SEPTIN9: variants seen among roughly 807,000 people sequenced by gnomAD.
SEPTIN9 encodes the protein septin-9.
Under a neutral mutation model 56.6 loss-of-function variants are expected in SEPTIN9, and 13 were observed. The ratio of observed to expected loss-of-function variants is 0.23; its 90% CI spans 0.15 to 0.37. The LOEUF (loss-of-function observed/expected upper bound fraction) is 0.37, where lower values mean the gene tolerates loss of function less well. SEPTIN9 is among the 10% of genes least tolerant of loss of function. SEPTIN9 has a pLI of 1.00. For missense variants in SEPTIN9, 650 were observed against 823.1 expected, an observed-to-expected ratio of 0.79 and a Z score of 2.57; for synonymous variants, 332 against 334.1, an observed-to-expected ratio of 0.99 and a Z score of 0.07.
rs150871716 is a variant in SEPTIN9, at chr17:77,285,752, G to A, written c.19+4198G>A. Among the ~76,000 whole-genome samples, 415 of 152,318 alleles carry A rather than the reference G, an allele frequency of 2.7e-3. 1 individual carries two copies. The highest frequency in any genetic ancestry group is 8.7e-3 in the African/African-American group (360 of 41,572). On this transcript the variant is annotated intron_variant, in intron 1 of 11. Coordinates refer to ENST00000427177, the MANE Select transcript of SEPTIN9 (RefSeq NM_001113491.2). ...AGATTCCTGAAGGGGCACCAGCCAC[G>A]ATTAAAAAGCTCTATGCTGTCGTGA...
chr17:77,457,033 C>T (rs1215411765), intron 3 of SEPTIN9, among the ~76,000 whole-genome samples: 1 of 152,246 alleles, frequency 6.6e-6, no homozygotes, highest in Non-Finnish European at 1.5e-5. Flanking sequence ...GGGACTCAGA[C>T]TCCTCTACTT....
intron 10 of SEPTIN9, among the ~76,000 whole-genome samples, chr17:77,493,662 G>A (rs542364719): frequency 2.3e-4 from 35 of 151,900 alleles, no homozygotes; most frequent in African/African-American, 7.0e-4. Flanking sequence ...TTCTGGTGGC[G>A]CCTGGCATTC....
intron 2 of SEPTIN9, among the ~76,000 whole-genome samples, chr17:77,384,182 C>T (rs1049219093): frequency 6.6e-6 from 1 of 152,188 alleles, no homozygotes; most frequent in Non-Finnish European, 1.5e-5. Flanking sequence ...TGCTCCCTCT[C>T]CTGCCTGTGT....
chr17:77,411,625 C>T (rs1355086416), intron 3 of SEPTIN9, among the ~76,000 whole-genome samples: 2 of 151,506 alleles, frequency 1.3e-5, no homozygotes, highest in African/African-American at 4.8e-5. Flanking sequence ...TGCTCTTGAA[C>T]TCCTGACCTT....
chr17:77,400,141 T>TA lies in SEPTIN9; in HGVS notation c.77-1916dup, dbSNP rs1237911938. 6.6e-6 allele frequency among the ~76,000 whole-genome samples: 1 copy of TA among 152,176 alleles called. No homozygotes were observed. Among genetic ancestry groups the TA allele is most frequent in the African/African-American group, 2.4e-5 (1 of 41,444 alleles). Reference sequence around the variant, plus strand: ...ATAGGCGAGTGTCACCATGCCCAGCTAATTTTTTATTTTTAGTAAAGATGG... The same window carrying TA: ...ATAGGCGAGTGTCACCATGCCCAGCTAAATTTTTTATTTTTAGTAAAGATGG... On this transcript the variant is annotated intron_variant, in intron 2 of 11. Transcript: ENST00000427177. The surrounding 1 kb of genome is among the most constrained non-coding windows in gnomAD (Gnocchi z 4.1).
At chr17:77,325,108 C>G (rs545755616) in intron 2 of SEPTIN9, among the ~76,000 whole-genome samples, 1 of 151,842 alleles carries the variant, frequency 6.6e-6, no homozygotes, top group Non-Finnish European at 1.5e-5. Context: ...CGTGAGTCAC[C>G]GCACCCAGGC....
chr17:77,498,676 C>CCCCGGAA lies in SEPTIN9; in HGVS notation c.*20_*21insCGGAACC. The CCCCGGAA allele has an allele frequency of 1.3e-6, 2 of 1,525,766 alleles. No individual in the cohort carries two copies. The highest frequency in any genetic ancestry group is 1.2e-5 in the South Asian group (1 of 86,070). 94.5% of individuals were successfully genotyped at this position (1,525,766 alleles called of 1,614,324 possible). A position where few individuals can be genotyped will look rare whatever the true frequency, so the allele number is the denominator to read the frequency against. On this transcript the variant is annotated 3_prime_UTR_variant, in exon 12 of 12. Coordinates refer to ENST00000427177, the MANE Select transcript of SEPTIN9 (RefSeq NM_001113491.2). ...AGATGTAGACGCCACCCTGCCCACC[C>CCCCGGAA]CCGGGATCCTGCCCCCAAGTCATTT...
intron 3 of SEPTIN9, among the ~76,000 whole-genome samples, chr17:77,455,813 T>C (rs2038175425): frequency 6.6e-6 from 1 of 152,212 alleles, no homozygotes; most frequent in African/African-American, 2.4e-5. Flanking sequence ...ATTTTCAACT[T>C]TTATCCAAAT....
intron 2 of SEPTIN9, among the ~76,000 whole-genome samples, chr17:77,361,186 A>T (rs2034406375): frequency 6.6e-6 from 1 of 152,104 alleles, no homozygotes; most frequent in South Asian, 2.1e-4. Context: ...GGCCTCCCAA[A>T]GTGCTGGGAT....
chr17:77,441,522 G>A (rs2037546604), intron 3 of SEPTIN9, among the ~76,000 whole-genome samples: 1 of 152,220 alleles, frequency 6.6e-6, no homozygotes, highest in Non-Finnish European at 1.5e-5. Flanking sequence ...AGGGAGGGCA[G>A]GAAGTTTGAG....
rs949020564 is a variant in SEPTIN9, at chr17:77,361,619, GTTTTCTTTTC to G, written c.77-40425_77-40416del. ...TAGCTTATTCATAATCGAGTGGTCA[GTTTTCTTTTC>G]TTTTCTTTTCTTTTTTTTTTTGAGA... On this transcript the variant is annotated intron_variant, in intron 2 of 11. Coordinates refer to ENST00000427177, the MANE Select transcript of SEPTIN9 (RefSeq NM_001113491.2). Among the ~76,000 whole-genome samples, 5 of 152,008 alleles carry G rather than the reference GTTTTCTTTTC, an allele frequency of 3.3e-5. 1 individual carries two copies. The highest frequency in any genetic ancestry group is 6.8e-3 in the Middle Eastern group (2 of 294).
rs534600071 is a variant in SEPTIN9, at chr17:77,437,081, G to A, written c.721+34378G>A. ...ACAGCCTAGCCAGGCCCAGGGCGCC[G>A]ACCTCCTGCTCTGCCTTCCCGTGCC... On this transcript the variant is annotated intron_variant, in intron 3 of 11. Coordinates refer to ENST00000427177, the MANE Select transcript of SEPTIN9 (RefSeq NM_001113491.2). This position sits in a 1 kb window ranked among gnomAD's most constrained non-coding sequence, Gnocchi z 5.3. 6.6e-6 allele frequency among the ~76,000 whole-genome samples: 1 copy of A among 152,192 alleles called. No homozygotes were observed. Among genetic ancestry groups the A allele is most frequent in the Non-Finnish European group, 1.5e-5 (1 of 68,018 alleles).
At chr17:77,417,741 C>A (rs1447660225) in intron 3 of SEPTIN9, among the ~76,000 whole-genome samples, 1 of 152,226 alleles carries the variant, frequency 6.6e-6, no homozygotes, top group Non-Finnish European at 1.5e-5. Context: ...TATCCGCATT[C>A]ATGTGAGGGC....
chr17:77,460,870 C>T (rs2038440796), intron 3 of SEPTIN9, among the ~76,000 whole-genome samples: 1 of 152,194 alleles, frequency 6.6e-6, no homozygotes, highest in Non-Finnish European at 1.5e-5. Flanking sequence ...TGAGTGAGAC[C>T]CTTCCGGCTT....
chr17:77,401,244 G>A (rs570402831), intron 2 of SEPTIN9, among the ~76,000 whole-genome samples: 3 of 152,262 alleles, frequency 2.0e-5, no homozygotes, highest in East Asian at 1.9e-4. Context: ...TAGGCCCGGC[G>A]CCTCGCCGGC....
chr17:77,498,049 CT>C lies in SEPTIN9; in HGVS notation c.1626-466del, dbSNP rs895672087. 8.6e-5 allele frequency among the ~76,000 whole-genome samples: 13 copies of C among 152,030 alleles called. No homozygotes were observed. The East Asian group carries it at 2.3e-3, about 27-fold the overall frequency. On this transcript the variant is annotated intron_variant, in intron 11 of 11. Transcript: ENST00000427177. ...GAGGAATGAAAATCCGAGCCCAGGA[CT>C]TTTTTTTCCTGGGGACAAGGGCAAC... is the stretch of plus-strand genomic sequence containing the variant.
At chr17:77,478,074 C>A (rs2143146460) in intron 3 of SEPTIN9, among the ~76,000 whole-genome samples, 1 of 151,928 alleles carries the variant, frequency 6.6e-6, no homozygotes, top group South Asian at 2.1e-4. Context: ...TTCAGGGTTG[C>A]CAAATTCAGT....
At chr17:77,432,317 G>A (rs2037174631) in intron 3 of SEPTIN9, among the ~76,000 whole-genome samples, 1 of 152,114 alleles carries the variant, frequency 6.6e-6, no homozygotes, top group African/African-American at 2.4e-5. Context: ...CCACATGTCA[G>A]TGCTGCCGTT....
At chr17:77,454,179 A>G in intron 3 of SEPTIN9, 3 of 985,444 alleles carry the variant, frequency 3.0e-6, no homozygotes, top group Non-Finnish European at 3.6e-6. Context: ...CATCGATACC[A>G]CCTGGGCTTT....
Sources: allele counts gnomAD v4.1 joint callset (sites outside exome capture counted in the v4.1 genomes callset), GRCh38; gene constraint gnomAD v4.1.1; non-coding constraint Gnocchi (gnomAD v3.1); transcripts MANE v1.5; gene names NCBI Gene and HGNC (gene_info 2026-07-23, HGNC 2026-07-21).